The following ADORA1 variants were observed in gnomAD, a reference collection of about 807,000 sequenced individuals.
The protein encoded by ADORA1 is adenosine A1 receptor.
ADORA1 carries 6 observed loss-of-function variants against 19.9 expected under a neutral mutation model. That is an observed-to-expected ratio of 0.30 (90% CI 0.17 to 0.59). The LOEUF is 0.59. Among genes scored for constraint, ADORA1 ranks in the 20% least tolerant of loss-of-function variants. The probability of loss-of-function intolerance (pLI) is 0.87; values close to 1 mark genes in which losing one functional copy is unlikely to be tolerated. For synonymous variants in ADORA1, 194 were observed against 188.4 expected (o/e 1.03, Z -0.24); for missense variants, 302 against 439.2 (o/e 0.69, Z 2.79).
chr1:203,134,222 T>TC (rs771609640), intron 3 of ADORA1, among the ~76,000 whole-genome samples: 134 of 152,068 alleles, frequency 8.8e-4, no homozygotes, highest in Non-Finnish European at 1.6e-3. Context: ...GGATGCTTGC[T>TC]CCCCCGCCTC....
intron 3 of ADORA1, among the ~76,000 whole-genome samples, chr1:203,141,572 ATTTTTTTTTTTTT>A (rs56188119): frequency 2.7e-5 from 2 of 73,566 alleles, no homozygotes; most frequent in South Asian, 7.2e-4. Context: ...TCTAACCTGG[ATTTTTTTTTTTTT>A]TTTTTTTTTT....
rs11315020 is a variant in ADORA1 at position 203,166,712 on chromosome 1, CT to C, written c.*814del. The C allele has an allele frequency of 0.94, 143,050 of 152,798 alleles. 67,144 individuals are homozygous for C. The highest frequency in any genetic ancestry group is 0.97 in the Non-Finnish European group (66,232 of 68,498). 9.5% of individuals were successfully genotyped at this position (152,798 alleles called of 1,614,324 possible). ...TGCCCTGAGCTTTCCGGGGAGGAGC[CT>C]TGGAGTGTAATTACCTGTCATCTGG... is the stretch of plus-strand genomic sequence containing the variant. On this transcript the variant is annotated 3_prime_UTR_variant, in exon 4 of 4. Coordinates refer to ENST00000337894, the MANE Select transcript of ADORA1 (RefSeq NM_000674.3).
chr1:203,149,644 C>T (rs770994039), intron 3 of ADORA1, among the ~76,000 whole-genome samples: 2 of 152,100 alleles, frequency 1.3e-5, no homozygotes, highest in Admixed American at 6.5e-5. Context: ...GCGGGACCTT[C>T]GAGTGGAGAC....
At chr1:203,151,194 G>A (rs1326000159) in intron 3 of ADORA1, among the ~76,000 whole-genome samples, 1 of 152,230 alleles carries the variant, frequency 6.6e-6, no homozygotes, top group Non-Finnish European at 1.5e-5. Context: ...GGCTCACCCT[G>A]AGTCCGCCTC....
chr1:203,133,770 G>A (rs1314538638), intron 3 of ADORA1, among the ~76,000 whole-genome samples: 1 of 152,260 alleles, frequency 6.6e-6, no homozygotes, highest in Non-Finnish European at 1.5e-5. Flanking sequence ...CTGGGCTGCT[G>A]ACCCGGGGAA....
Position 203,165,905 on chromosome 1 carries a change from C to T in ADORA1, c.*5C>T, listed in dbSNP as rs200795962. On this transcript the variant is annotated 3_prime_UTR_variant, in exon 4 of 4. Coordinates refer to ENST00000337894, the MANE Select transcript of ADORA1 (RefSeq NM_000674.3). The surrounding 1 kb of genome is among the most constrained non-coding windows in gnomAD (Gnocchi z 5.9). ...GAAGAGAGGCCTGATGACTAGACCC[C>T]GCCTTCCGCTCCCACCAGCCCACAT... 110 of 1,544,138 alleles carry T rather than the reference C, an allele frequency of 7.1e-5. No individual in the cohort carries two copies. Among genetic ancestry groups the T allele is most frequent in the South Asian group, 3.9e-4 (31 of 79,348 alleles).
intron 3 of ADORA1, among the ~76,000 whole-genome samples, chr1:203,138,435 T>C (rs1023252619): frequency 6.6e-6 from 1 of 151,706 alleles, no homozygotes. Context: ...GAACCGAGCA[T>C]TGAGAAAGTG....
rs1655511564 is a variant in ADORA1, at chr1:203,165,398, G to A, written c.479G>A (p.Gly160Asp). 1.9e-6 allele frequency: 3 copies of A among 1,610,306 alleles called. No individual in the cohort carries two copies. The highest frequency in any genetic ancestry group is 2.2e-5 in the East Asian group (1 of 44,874). ...SAVERAWAAN[G>D]SMGEPVIKCE... ...GTGGAGCGGGCCTGGGCAGCCAACG[G>A]CAGCATGGGGGAGCCCGTGATCAAG... is the stretch of plus-strand genomic sequence containing the variant. Residue 160 changes from glycine to aspartate, a missense_variant, in exon 4 of 4, where the codon GGC (glycine) becomes GAC (aspartate). Transcript: ENST00000337894. The surrounding 1 kb of genome is among the most constrained non-coding windows in gnomAD (Gnocchi z 5.9).
intron 3 of ADORA1, among the ~76,000 whole-genome samples, chr1:203,137,750 T>C (rs1654557279): frequency 6.6e-6 from 1 of 152,220 alleles, no homozygotes; most frequent in Admixed American, 6.5e-5. Flanking sequence ...TATATACCTA[T>C]ATACCACTAC....
intron 3 of ADORA1, among the ~76,000 whole-genome samples, chr1:203,139,665 T>C (rs1435538243): frequency 2.0e-5 from 3 of 152,224 alleles, no homozygotes; most frequent in Non-Finnish European, 4.4e-5. Context: ...GGCAGATTCA[T>C]GATGAGATTA....
intron 3 of ADORA1, chr1:203,150,775 C>T (rs1197353079): frequency 7.8e-7 from 1 of 1,289,560 alleles, no homozygotes; most frequent in African/African-American, 1.5e-5. Flanking sequence ...GAAAGATTTC[C>T]AAGGTGGTGA....
chr1:203,154,560 C>T (rs1376598024), intron 3 of ADORA1, among the ~76,000 whole-genome samples: 4 of 152,130 alleles, frequency 2.6e-5, no homozygotes, highest in African/African-American at 9.7e-5. Context: ...CTGGTAGAAG[C>T]CGCACCCATG....
In ADORA1 at chr1:203,128,243, C is replaced by G. The variant is rs1339651409; in HGVS notation, c.-212-35C>G. ...GCTACCTCTTTAAAAGCGTCCGGGG[C>G]TGAGTCTCTGCCGTACCATGTGATT... On this transcript the variant is annotated intron_variant, in intron 1 of 3. Coordinates refer to ENST00000337894, the MANE Select transcript of ADORA1 (RefSeq NM_000674.3). The surrounding 1 kb of genome is among the most constrained non-coding windows in gnomAD (Gnocchi z 5.9). 1.8e-6 allele frequency: 2 copies of G among 1,092,650 alleles called. No individual in the cohort carries two copies. Among genetic ancestry groups the G allele is most frequent in the East Asian group, 1.2e-4 (2 of 16,150 alleles). 67.7% of individuals were successfully genotyped at this position (1,092,650 alleles called of 1,614,324 possible). A position where few individuals can be genotyped will look rare whatever the true frequency, so the allele number is the denominator to read the frequency against.
Position 203,165,704 on chromosome 1 carries a change from C to T in ADORA1, c.785C>T (p.Ser262Phe), listed in dbSNP as rs200543088. Residue 262 changes from serine (S) to phenylalanine (F), a missense_variant, in exon 4 of 4, where the codon TCC (serine) becomes TTC (phenylalanine). Coordinates refer to ENST00000337894, the MANE Select transcript of ADORA1 (RefSeq NM_000674.3). This position sits in a 1 kb window ranked among gnomAD's most constrained non-coding sequence, Gnocchi z 5.9. ...AACTGCATCACCCTCTTCTGCCCGTCCTGCCACAAGCCCAGCATCCTTACC... is the reference window on the plus strand; with the variant it reads ...AACTGCATCACCCTCTTCTGCCCGTTCTGCCACAAGCCCAGCATCCTTACC... ...ILNCITLFCP[S>F]CHKPSILTYI... 1.2e-6 allele frequency: 2 copies of T among 1,611,498 alleles called. No individual in the cohort carries two copies. Among genetic ancestry groups the T allele is most frequent in the Non-Finnish European group, 1.7e-6 (2 of 1,178,448 alleles).
intron 3 of ADORA1, among the ~76,000 whole-genome samples, chr1:203,135,415 T>G (rs1654473748): frequency 6.6e-6 from 1 of 152,088 alleles, no homozygotes. Context: ...TCCCAACACT[T>G]TGGGAGCCCG....
chr1:203,139,094 C>T (rs1397645385), intron 3 of ADORA1, among the ~76,000 whole-genome samples: 1 of 152,226 alleles, frequency 6.6e-6, no homozygotes, highest in African/African-American at 2.4e-5. Flanking sequence ...GCTGGGATTA[C>T]AGGCGTGAGC....
chr1:203,135,356 A>G (rs567583158), intron 3 of ADORA1, among the ~76,000 whole-genome samples: 1 of 152,290 alleles, frequency 6.6e-6, no homozygotes, highest in South Asian at 2.1e-4. Context: ...GTACCCCTTA[A>G]TCTATTAAAA....
Position 203,167,155 on chromosome 1 carries a change from G to C in ADORA1, c.*1255G>C, listed in dbSNP as rs201316995. 1 of 150,948 alleles carries C rather than the reference G, an allele frequency of 6.6e-6. No individual in the cohort carries two copies. Among genetic ancestry groups the C allele is most frequent in the Non-Finnish European group, 1.5e-5 (1 of 68,774 alleles). 9.4% of individuals were successfully genotyped at this position (150,948 alleles called of 1,614,324 possible). A position where few individuals can be genotyped will look rare whatever the true frequency, so the allele number is the denominator to read the frequency against. Reference sequence around the variant, plus strand: ...GAGCCCCTGTGTTGGGGGGCAAGGTGGGGGAGCCTGGAGCCCCTGTGTGGG... The same window carrying C: ...GAGCCCCTGTGTTGGGGGGCAAGGTCGGGGAGCCTGGAGCCCCTGTGTGGG... On this transcript the variant is annotated 3_prime_UTR_variant, in exon 4 of 4. Transcript: ENST00000337894.
chr1:203,154,937 CT>C (rs1166032959), intron 3 of ADORA1, among the ~76,000 whole-genome samples: 1 of 152,076 alleles, frequency 6.6e-6, no homozygotes, highest in Non-Finnish European at 1.5e-5. Context: ...CCTCTTCCTT[CT>C]TTTTTCTCTG....
Sources: gnomAD v4.1 joint callset for allele counts (sites outside exome capture counted in the v4.1 genomes callset) on GRCh38, gnomAD v4.1.1 for gene constraint, Gnocchi (gnomAD v3.1) non-coding constraint, MANE v1.5 for transcripts, NCBI Gene and HGNC (gene_info 2026-07-23, HGNC 2026-07-21) for gene names.